Variants in PLA2G4E observed in about 807,000 individuals in gnomAD.
The protein encoded by PLA2G4E is cytosolic phospholipase A2 epsilon.
PLA2G4E carries 84 observed loss-of-function variants against 109.1 expected under a neutral mutation model. That is an observed-to-expected ratio of 0.77 (90% CI 0.65 to 0.92). PLA2G4E has a LOEUF of 0.92. PLA2G4E is among the 40% of genes least tolerant of loss of function. PLA2G4E has a pLI of 0.00. For synonymous variants in PLA2G4E, 469 were observed against 436.1 expected, an observed-to-expected ratio of 1.08 and a Z score of -0.94; for missense variants, 1,057 against 1,076.6, an observed-to-expected ratio of 0.98 and a Z score of 0.25.
At chr15:42,010,132 G>GCACCCCCC in intron 2 of PLA2G4E, 1 of 417,170 alleles carries the variant, frequency 2.4e-6, no homozygotes, top group Non-Finnish European at 4.7e-6. Context: ...CAGAACACTG[G>GCACCCCCC]CCCCCCCACC....
At chr15:41,996,979 A>G in intron 11 of PLA2G4E, 145 bp downstream of exon 11, 1 of 1,048,328 alleles carries the variant, frequency 9.5e-7, no homozygotes, top group Non-Finnish European at 1.3e-6. Flanking sequence ...CTTCCAGCAC[A>G]GCTCTCACCA....
At chr15:41,997,514 A>T (rs926381368) in intron 10 of PLA2G4E, 3 of 311,330 alleles carry the variant, frequency 9.6e-6, no homozygotes, top group Non-Finnish European at 1.8e-5. Context: ...CTGGTACTCA[A>T]CAAAAGATAA....
exon 11 of PLA2G4E, chr15:41,997,249 G>A (rs1662438552): frequency 6.5e-7 from 1 of 1,547,420 alleles, no homozygotes; most frequent in Non-Finnish European, 8.7e-7. Flanking sequence ...CGCACGTCCA[G>A]TGTCTCAGGG....
chr15:42,028,483 T>C (rs1889060377), intron 1 of PLA2G4E, among the ~76,000 whole-genome samples: 1 of 152,150 alleles, frequency 6.6e-6, no homozygotes, highest in African/African-American at 2.4e-5. Flanking sequence ...CTCGGCTCAC[T>C]GCAACCTCCA....
Position 42,006,008 on chromosome 15 carries a change from C to G in PLA2G4E, c.507G>C (p.Lys169Asn), listed in dbSNP as rs752056050. Residue 169 changes from lysine to asparagine, a missense_variant, in exon 4 of 20, where the codon AAG becomes AAC. Physicochemically the swap from Lys to Asn is moderately conservative, Grantham distance 94 (BLOSUM62 0). Coordinates refer to ENST00000399518, the Ensembl canonical transcript of PLA2G4E. ...CACCCACCTGCGGGTTGAGTGGAAA[C>G]TTCACGTGGGTTTTCTTTCGGAAAC... 7 of 1,613,824 alleles carry G rather than the reference C, an allele frequency of 4.3e-6. No homozygotes were observed. In the Admixed American group the frequency reaches 1.0e-4, roughly 23 times the overall value.
At chr15:42,003,580 C>A (rs185290668) in intron 5 of PLA2G4E, among the ~76,000 whole-genome samples, 4 of 152,212 alleles carry the variant, frequency 2.6e-5, no homozygotes, top group African/African-American at 9.6e-5. Flanking sequence ...GGGAGAGCTT[C>A]GATTTTCTTC....
intron 1 of PLA2G4E, among the ~76,000 whole-genome samples, chr15:42,025,221 A>C (rs938716848): frequency 1.2e-4 from 18 of 151,332 alleles, no homozygotes; most frequent in Non-Finnish European, 2.2e-4. Flanking sequence ...AAAAAGGAAA[A>C]GAAAAGAAAA....
intron 17 of PLA2G4E, 69 bp from the exon 18 acceptor site, chr15:41,986,074 G>A (rs1431661465): frequency 2.7e-6 from 4 of 1,495,542 alleles, no homozygotes; most frequent in Admixed American, 4.0e-5. Flanking sequence ...AGGCACTTGG[G>A]GGGACGGAGC....
chr15:42,002,725 A>G (rs1337299151), intron 5 of PLA2G4E, 29 bp from the exon 6 acceptor site: 1 of 1,553,262 alleles, frequency 6.4e-7, no homozygotes, highest in Admixed American at 1.9e-5. Flanking sequence ...ACTCCTGGTC[A>G]ATTCTAGCAT....
At chr15:42,007,890 C>T (rs753774003) in intron 2 of PLA2G4E, 25 bp from the exon 3 acceptor site, 3 of 1,585,418 alleles carry the variant, frequency 1.9e-6, no homozygotes, top group Non-Finnish European at 2.6e-6. Context: ...TAAGTGGAAC[C>T]AATCCAGGTT....
rs1407477979 is a variant in PLA2G4E at position 41,989,345 on chromosome 15, G to A, written c.1723+70C>T. 2.5e-6 allele frequency: 4 copies of A among 1,583,642 alleles called. No individual in the cohort carries two copies. In the East Asian group the frequency reaches 6.7e-5, roughly 27 times the overall value. On this transcript the variant is annotated intron_variant, in intron 15 of 19. Coordinates refer to ENST00000399518, the Ensembl canonical transcript of PLA2G4E. Reference sequence around the variant, plus strand: ...AAGTGCCCCGAGTGTCACATAATCAGGGGCCAACCCAGGGTGGCCCAGCAC... The same window carrying A: ...AAGTGCCCCGAGTGTCACATAATCAAGGGCCAACCCAGGGTGGCCCAGCAC...
chr15:42,003,083 A>T (rs1021708583), intron 5 of PLA2G4E, among the ~76,000 whole-genome samples: 12 of 152,260 alleles, frequency 7.9e-5, no homozygotes, highest in African/African-American at 2.9e-4. Context: ...TCCATTCTCC[A>T]TTCTGTGCTT....
chr15:42,030,101 A>AT (rs1351988521), intron 1 of PLA2G4E, among the ~76,000 whole-genome samples: 1 of 152,082 alleles, frequency 6.6e-6, no homozygotes, highest in Non-Finnish European at 1.5e-5. Flanking sequence ...GGGAGAGGAC[A>AT]TTTTTCTCAG....
Position 41,984,562 on chromosome 15 carries a change from C to T in PLA2G4E, c.2260G>A (p.Glu754Lys), listed in dbSNP as rs1212733465. ...AGATTTTCATTCTCATCTGGCAGCT[C>T]GTATTTGGGGAAGGGGATGTTCTGC... Residue 754 changes from glutamate to lysine, a missense_variant, in exon 19 of 20, where the codon GAG (glutamate) becomes AAG (lysine). Transcript: ENST00000399518. 13 of 1,613,854 alleles carry T rather than the reference C, an allele frequency of 8.1e-6. No homozygotes were observed. In the Middle Eastern group the frequency reaches 4.9e-4, roughly 61 times the overall value.
intron 1 of PLA2G4E, among the ~76,000 whole-genome samples, chr15:42,030,869 T>C (rs1013328269): frequency 1.3e-5 from 2 of 152,254 alleles, no homozygotes; most frequent in Non-Finnish European, 2.9e-5. Flanking sequence ...CAGGTTTTTG[T>C]GTGTAACAAG....
intron 12 of PLA2G4E, 47 bp from the exon 13 acceptor site, chr15:41,993,006 T>G: frequency 6.6e-7 from 1 of 1,523,000 alleles, no homozygotes; most frequent in Non-Finnish European, 8.9e-7. Flanking sequence ...GGCCCCTGTC[T>G]GATGAGTCCT....
chr15:42,045,462 C>T (rs1177133565), intron 1 of PLA2G4E, among the ~76,000 whole-genome samples: 3 of 152,196 alleles, frequency 2.0e-5, no homozygotes, highest in Non-Finnish European at 2.9e-5. Context: ...ACCCAGGCAG[C>T]ACCGGCACTC....
intron 1 of PLA2G4E, among the ~76,000 whole-genome samples, chr15:42,016,241 C>CTTTTTTTTT (rs1168452228): frequency 1.9e-5 from 2 of 104,692 alleles, no homozygotes; most frequent in South Asian, 3.1e-4. Flanking sequence ...TTTATCTTTA[C>CTTTTTTTTT]TTTTTTTTTT....
intron 1 of PLA2G4E, among the ~76,000 whole-genome samples, chr15:42,029,480 T>C (rs1488218269): frequency 6.6e-6 from 1 of 152,212 alleles, no homozygotes; most frequent in Non-Finnish European, 1.5e-5. Context: ...TTCAGCTAGA[T>C]GCCAGGCTTT....
Sources: allele counts gnomAD v4.1 joint callset (sites outside exome capture counted in the v4.1 genomes callset), GRCh38; gene constraint gnomAD v4.1.1; transcripts MANE v1.5; gene names NCBI Gene and HGNC (gene_info 2026-07-23, HGNC 2026-07-21).